PTPRD: variants seen among roughly 807,000 people sequenced by gnomAD.
PTPRD encodes receptor-type tyrosine-protein phosphatase delta.
PTPRD carries 34 observed loss-of-function variants against 214.5 expected under a neutral mutation model. The ratio of observed to expected loss-of-function variants is 0.16; its 90% CI spans 0.12 to 0.21. The LOEUF (loss-of-function observed/expected upper bound fraction) is 0.21. Among genes scored for constraint, PTPRD ranks in the 10% least tolerant of loss-of-function variants. The pLI, the probability that PTPRD is intolerant of heterozygous loss-of-function variation, is 1.00. For missense variants in PTPRD, 2,545 were observed against 2,398.7 expected (o/e 1.06, Z -1.27); for synonymous variants, 1,128 against 845.7 (o/e 1.33, Z -5.79).
At chr9:10,591,264 T>A (rs983595901) in intron 2 of PTPRD, among the ~76,000 whole-genome samples, 4 of 152,006 alleles carry the variant, frequency 2.6e-5, no homozygotes, top group African/African-American at 9.7e-5. Flanking sequence ...TGCATGTGTA[T>A]GTGTGTATGT....
chr9:8,916,267 T>C (rs1335278047), intron 11 of PTPRD, among the ~76,000 whole-genome samples: 2 of 152,120 alleles, frequency 1.3e-5, no homozygotes, highest in African/African-American at 4.8e-5. Flanking sequence ...AGGGGGTTAC[T>C]GTAGAGGAGA....
chr9:10,259,418 G>T (rs2093544583), intron 3 of PTPRD, among the ~76,000 whole-genome samples: 1 of 152,108 alleles, frequency 6.6e-6, no homozygotes, highest in South Asian at 2.1e-4. Flanking sequence ...TCATATGGAA[G>T]CCAGGGATAA....
intron 3 of PTPRD, among the ~76,000 whole-genome samples, chr9:10,298,188 C>A (rs992325413): frequency 6.6e-6 from 1 of 152,078 alleles, no homozygotes; most frequent in Non-Finnish European, 1.5e-5. Context: ...TCTTTATTTT[C>A]TGCAATAGTT....
intron 2 of PTPRD, among the ~76,000 whole-genome samples, chr9:10,354,847 C>T (rs996039921): frequency 6.6e-6 from 1 of 152,090 alleles, no homozygotes; most frequent in Non-Finnish European, 1.5e-5. Context: ...GTGTGCCGTA[C>T]GTGCTTTGTG....
intron 12 of PTPRD, among the ~76,000 whole-genome samples, chr9:8,675,546 A>C (rs1402943295): frequency 5.8e-4 from 85 of 145,614 alleles, no homozygotes; most frequent in Non-Finnish European, 8.5e-4. Flanking sequence ...CACAAAAAAA[A>C]AAAAAAAAAA....
intron 9 of PTPRD, among the ~76,000 whole-genome samples, chr9:9,305,660 A>C (rs948519552): frequency 5.3e-5 from 8 of 152,180 alleles, no homozygotes; most frequent in Non-Finnish European, 2.9e-5. Flanking sequence ...TAATAAACTT[A>C]AAATGAGGTC....
chr9:9,178,073 T>A (rs1210201496), intron 10 of PTPRD, among the ~76,000 whole-genome samples: 3 of 152,086 alleles, frequency 2.0e-5, no homozygotes, highest in Non-Finnish European at 1.5e-5. Flanking sequence ...AGACTAAGGA[T>A]AAAAAAGGCA....
rs16930121 is a variant in PTPRD, at chr9:9,731,282, T to C, written c.-287+3251A>G. ...CATATTATCATTTGTATTTCAATAG[T>C]ACTCTGGTTTTAATTTTACATTTAT... On this transcript the variant is annotated intron_variant, in intron 7 of 45. Coordinates refer to ENST00000381196, the MANE Select transcript of PTPRD (RefSeq NM_002839.4). Among the ~76,000 whole-genome samples the C allele has an allele frequency of 7.7e-4, 117 of 152,282 alleles. No homozygotes were observed. The East Asian group carries it at 0.015, about 20-fold the overall frequency.
intron 4 of PTPRD, among the ~76,000 whole-genome samples, chr9:9,971,888 G>A (rs2095121212): frequency 6.6e-6 from 1 of 152,048 alleles, no homozygotes; most frequent in Non-Finnish European, 1.5e-5. Flanking sequence ...TTTGTAAATA[G>A]TATTTCATGA....
At chr9:9,802,840 T>A (rs1598287754) in intron 5 of PTPRD, among the ~76,000 whole-genome samples, 1 of 151,988 alleles carries the variant, frequency 6.6e-6, no homozygotes, top group East Asian at 1.9e-4. Context: ...AAACTTACAA[T>A]TGTTTATTCA....
At chr9:9,478,618 C>T (rs1203472962) in intron 8 of PTPRD, among the ~76,000 whole-genome samples, 2 of 152,176 alleles carry the variant, frequency 1.3e-5, no homozygotes, top group Admixed American at 6.5e-5. Context: ...GCATCCCCCT[C>T]TCTCTCTATC....
At chr9:10,331,373 C>A (rs2096747440) in intron 3 of PTPRD, among the ~76,000 whole-genome samples, 1 of 151,834 alleles carries the variant, frequency 6.6e-6, no homozygotes, top group African/African-American at 2.4e-5. Flanking sequence ...GCTGTCAGTG[C>A]AGACTGAAGA....
rs1341016765 is a variant in PTPRD, at chr9:9,111,569, AG to A, written c.-143+71734del. ...AATACACACTTTGGGAATTGCCAAA[AG>A]TAGTAACTATCAGATTGCATTTTAC... is the stretch of plus-strand genomic sequence containing the variant. On this transcript the variant is annotated intron_variant, in intron 10 of 45. Coordinates refer to ENST00000381196, the MANE Select transcript of PTPRD (RefSeq NM_002839.4). Among the ~76,000 whole-genome samples, 3 of 152,154 alleles carry A rather than the reference AG, an allele frequency of 2.0e-5. No individual in the cohort carries two copies. The East Asian group carries it at 5.8e-4, about 29-fold the overall frequency.
chr9:9,631,347 G>A (rs977030718), intron 7 of PTPRD, among the ~76,000 whole-genome samples: 1 of 151,894 alleles, frequency 6.6e-6, no homozygotes, highest in South Asian at 2.1e-4. Flanking sequence ...CTGAAGGAAC[G>A]ATTACATCAT....
At chr9:10,575,111 T>C (rs1028851105) in intron 2 of PTPRD, among the ~76,000 whole-genome samples, 1 of 151,970 alleles carries the variant, frequency 6.6e-6, no homozygotes, top group African/African-American at 2.4e-5. Context: ...CTGAAATCAC[T>C]GGCTATTTTC....
At chr9:9,508,522 C>A (rs2096623860) in intron 8 of PTPRD, among the ~76,000 whole-genome samples, 1 of 151,696 alleles carries the variant, frequency 6.6e-6, no homozygotes, top group Admixed American at 6.6e-5. Flanking sequence ...AATCTACTTT[C>A]CGAGCTTGCT....
intron 5 of PTPRD, among the ~76,000 whole-genome samples, chr9:9,857,956 TTAAG>T (rs2061884252): frequency 6.6e-6 from 1 of 152,204 alleles, no homozygotes; most frequent in Admixed American, 6.5e-5. Flanking sequence ...AGAAATAATT[TTAAG>T]TGAGTGAAAA....
chr9:8,958,096 C>T lies in PTPRD; in HGVS notation c.-104+60601G>A, dbSNP rs1282895248. Among the ~76,000 whole-genome samples the T allele has an allele frequency of 3.3e-5, 5 of 152,000 alleles. No individual in the cohort carries two copies. The East Asian group carries it at 9.7e-4, about 29-fold the overall frequency. On this transcript the variant is annotated intron_variant, in intron 11 of 45. Coordinates refer to ENST00000381196, the MANE Select transcript of PTPRD (RefSeq NM_002839.4). ...TCAATAATCTTTATTTTAATTCCAG[C>T]ACCCTGAGAGACCAGTCAAGATCCC...
intron 30 of PTPRD, among the ~76,000 whole-genome samples, chr9:8,478,510 C>G (rs188258751): frequency 7.1e-6 from 1 of 141,524 alleles, no homozygotes; most frequent in Admixed American, 6.8e-5. Context: ...AGTTTTTTCT[C>G]CTAGTATAAT....
Sources: allele counts gnomAD v4.1 joint callset (sites outside exome capture counted in the v4.1 genomes callset), GRCh38; gene constraint gnomAD v4.1.1; transcripts MANE v1.5; gene names NCBI Gene and HGNC (gene_info 2026-07-23, HGNC 2026-07-21).